PCDH15: variants seen among roughly 807,000 people sequenced by gnomAD.
The protein encoded by PCDH15 is protocadherin related 15, also known as protocadherin-15.
A neutral mutation model predicts 178.5 loss-of-function variants in PCDH15; 129 were observed. The ratio of observed to expected loss-of-function variants is 0.72; its 90% confidence interval spans 0.63 to 0.84. The LOEUF is 0.84. Ranked by LOEUF, PCDH15 falls within the 40% of genes least tolerant of loss-of-function variation. The pLI, the probability that PCDH15 is intolerant of heterozygous loss-of-function variation, is 0.00. For missense variants in PCDH15, 2,230 were observed against 2,099.9 expected (o/e 1.06, Z -1.21); for synonymous variants, 800 against 732.0 (o/e 1.09, Z -1.50).
chr10:55,033,296 T>TC (rs1840656286), intron 2 of PCDH15, among the ~76,000 whole-genome samples: 1 of 152,086 alleles, frequency 6.6e-6, no homozygotes, highest in African/African-American at 2.4e-5. Flanking sequence ...GGCCAAAGCC[T>TC]GGGAGAGCCA....
chr10:55,575,008 A>G (rs982730274), intron 2 of PCDH15, among the ~76,000 whole-genome samples: 13 of 152,100 alleles, frequency 8.5e-5, no homozygotes, highest in Admixed American at 8.5e-4. Flanking sequence ...AATAAAGTGT[A>G]TAATTCCTTC....
chr10:55,514,865 G>C (rs1840972370), intron 2 of PCDH15, among the ~76,000 whole-genome samples: 1 of 151,982 alleles, frequency 6.6e-6, no homozygotes, highest in South Asian at 2.1e-4. Flanking sequence ...TAGAGAAAGA[G>C]AGATTGTACT....
intron 9 of PCDH15, among the ~76,000 whole-genome samples, chr10:54,220,130 G>A (rs2052616311): frequency 6.6e-6 from 1 of 152,184 alleles, no homozygotes; most frequent in Non-Finnish European, 1.5e-5. Flanking sequence ...CTGGAAGAAT[G>A]AACCCAAAAT....
chr10:55,421,442 T>A (rs1838619633), intron 2 of PCDH15, among the ~76,000 whole-genome samples: 1 of 149,422 alleles, frequency 6.7e-6, no homozygotes, highest in South Asian at 2.1e-4. Flanking sequence ...AATTTATATA[T>A]ATTACATATG....
At chr10:55,554,387 G>T (rs1380641610) in intron 2 of PCDH15, among the ~76,000 whole-genome samples, 1 of 151,962 alleles carries the variant, frequency 6.6e-6, no homozygotes, top group Non-Finnish European at 1.5e-5. Flanking sequence ...GACAACTTGA[G>T]CATAAATTAC....
intron 1 of PCDH15, among the ~76,000 whole-genome samples, chr10:54,740,277 T>C (rs963647920): frequency 2.0e-5 from 3 of 151,994 alleles, no homozygotes; most frequent in African/African-American, 7.2e-5. Flanking sequence ...GTGAAAATAA[T>C]GTTCAAAATC....
intron 10 of PCDH15, among the ~76,000 whole-genome samples, chr10:54,209,380 T>C (rs1391733568): frequency 6.6e-6 from 1 of 152,054 alleles, no homozygotes; most frequent in Non-Finnish European, 1.5e-5. Flanking sequence ...GCCAAGAGAA[T>C]GCGAAATAAA....
At chr10:54,224,374 C>G (rs114805371) in intron 9 of PCDH15, among the ~76,000 whole-genome samples, 1 of 152,068 alleles carries the variant, frequency 6.6e-6, no homozygotes, top group Non-Finnish European at 1.5e-5. Context: ...AAACATTGTA[C>G]GAGAATAGAA....
intron 9 of PCDH15, among the ~76,000 whole-genome samples, chr10:54,227,834 A>T (rs1222559614): frequency 1.3e-5 from 2 of 152,206 alleles, no homozygotes; most frequent in Admixed American, 1.3e-4. Flanking sequence ...CAAATATCTA[A>T]GGCAGGGGCA....
intron 2 of PCDH15, among the ~76,000 whole-genome samples, chr10:54,566,366 T>A (rs1049182125): frequency 6.6e-6 from 1 of 152,156 alleles, no homozygotes; most frequent in Non-Finnish European, 1.5e-5. Flanking sequence ...CTAGTTTATA[T>A]TAGGGTTTAT....
intron 3 of PCDH15, among the ~76,000 whole-genome samples, chr10:54,427,380 T>C (rs2778922): frequency 4.7e-5 from 7 of 148,762 alleles, no homozygotes; most frequent in Non-Finnish European, 1.0e-4. Context: ...CTGGGTTCAA[T>C]TGATTCTCCT....
intron 3 of PCDH15, among the ~76,000 whole-genome samples, chr10:54,509,837 C>T (rs562786454): frequency 1.3e-5 from 2 of 152,276 alleles, no homozygotes; most frequent in South Asian, 2.1e-4. Flanking sequence ...TAACTTGTTA[C>T]CTACTATTCA....
intron 2 of PCDH15, among the ~76,000 whole-genome samples, chr10:55,063,284 GT>G (rs1456861654): frequency 6.6e-6 from 1 of 152,092 alleles, no homozygotes; most frequent in East Asian, 1.9e-4. Context: ...CTCTTAGCCA[GT>G]AAAATTTTTC....
At chr10:53,975,103 G>T (rs1589716314) in intron 21 of PCDH15, among the ~76,000 whole-genome samples, 1 of 152,114 alleles carries the variant, frequency 6.6e-6, no homozygotes, top group African/African-American at 2.4e-5. Context: ...TTGCTGCAAA[G>T]GGCGTGCTTT....
chr10:54,359,120 C>T (rs558973891), intron 5 of PCDH15, among the ~76,000 whole-genome samples: 1 of 151,812 alleles, frequency 6.6e-6, no homozygotes, highest in East Asian at 1.9e-4. Context: ...TGTAACTAAC[C>T]TGCACATTGT....
At chr10:54,541,210 C>A (rs2085182209) in intron 2 of PCDH15, among the ~76,000 whole-genome samples, 1 of 152,030 alleles carries the variant, frequency 6.6e-6, no homozygotes, top group Admixed American at 6.6e-5. Context: ...AAACACGAAA[C>A]TAAAGAAGTC....
chr10:53,890,113 T>C (rs992573951), intron 26 of PCDH15, among the ~76,000 whole-genome samples: 1 of 152,190 alleles, frequency 6.6e-6, no homozygotes, highest in Non-Finnish European at 1.5e-5. Flanking sequence ...ATGCAGCTTG[T>C]AATAAAAATT....
intron 2 of PCDH15, among the ~76,000 whole-genome samples, chr10:55,071,795 T>G (rs1185963326): frequency 2.0e-5 from 3 of 152,040 alleles, no homozygotes; most frequent in African/African-American, 4.8e-5. Flanking sequence ...AGAATATACA[T>G]TTTTTTCAGC....
chr10:55,165,261 A>C (rs1839166567), intron 2 of PCDH15, among the ~76,000 whole-genome samples: 1 of 151,968 alleles, frequency 6.6e-6, no homozygotes, highest in African/African-American at 2.4e-5. Context: ...TTATATCTGA[A>C]ATATATTGTT....
Sources: gnomAD v4.1 joint callset for allele counts (sites outside exome capture counted in the v4.1 genomes callset) on GRCh38, gnomAD v4.1.1 for gene constraint, MANE v1.5 for transcripts, NCBI Gene and HGNC (gene_info 2026-07-23, HGNC 2026-07-21) for gene names.